The following CHD6 variants were observed in gnomAD, a reference collection of about 807,000 sequenced individuals.
CHD6 encodes chromodomain helicase DNA binding protein 6, also known as ATP-dependent chromatin remodeler CHD6.
Under a neutral mutation model 276.9 loss-of-function variants are expected in CHD6, and 50 were observed. The ratio of observed to expected loss-of-function variants is 0.18; its 90% CI spans 0.14 to 0.23. CHD6 has a LOEUF of 0.23. CHD6 is among the 10% of genes least tolerant of loss of function. The pLI is 1.00. For missense variants in CHD6, 2,564 were observed against 3,365.8 expected (o/e 0.76, Z 5.89); for synonymous variants, 1,173 against 1,229.3 (o/e 0.95, Z 0.96).
rs780293326 is a variant in CHD6, at chr20:41,415,222, G to C, written c.6903C>G (p.Ile2301Met). 3 of 1,614,048 alleles carry C rather than the reference G, an allele frequency of 1.9e-6. No homozygotes were observed. Among genetic ancestry groups the C allele is most frequent in the Non-Finnish European group, 1.7e-6 (2 of 1,179,992 alleles). The change falls in exon 34 of 37, where the codon ATC becomes ATG. Residue 2301 changes from isoleucine to methionine, a missense_variant. Coordinates refer to ENST00000373233, the MANE Select transcript of CHD6 (RefSeq NM_032221.5). ...RKHVEGGMDL[I>M]FLKEQTLQAG... ...CCTGAAGTGTCTGCTCCTTCAAAAA[G>C]ATGAGGTCCATCCCTCCTTCAACAT...
In CHD6 at chr20:41,489,867, A is replaced by G; in HGVS notation, c.1591T>C (p.Trp531Arg). The G allele has an allele frequency of 6.2e-7, 1 of 1,613,922 alleles. No individual in the cohort carries two copies. Among genetic ancestry groups the G allele is most frequent in the Non-Finnish European group, 8.5e-7 (1 of 1,179,924 alleles). ...TACACAATGGCATTCATCTCTGTCCATGTCCGGAACTCCCGCTCCCAGTTA... is the reference window on the plus strand; with the variant it reads ...TACACAATGGCATTCATCTCTGTCCGTGTCCGGAACTCCCGCTCCCAGTTA... ...ITNWEREFRT[W>R]TEMNAIVYHG... The change falls in exon 12 of 37, where the codon TGG (tryptophan) becomes CGG (arginine). Residue 531 changes from tryptophan (W) to arginine (R), a missense_variant. Trp to Arg is a moderately radical substitution (Grantham distance 101, BLOSUM62 -3). Transcript: ENST00000373233.
At chr20:41,543,480 C>G (rs953211009) in intron 2 of CHD6, among the ~76,000 whole-genome samples, 5 of 152,214 alleles carry the variant, frequency 3.3e-5, no homozygotes, top group African/African-American at 1.2e-4. Context: ...AACCTTTCCC[C>G]AGATGACTTT....
chr20:41,512,842 A>G lies in CHD6; in HGVS notation c.852+4T>C, dbSNP rs79549169. The stretch of plus-strand genomic sequence containing the variant: ...AGGTCAGTAACCTCATGCAAAGGCC[A>G]TACCTCCGCCTGCCAGGCCAGTGTA... On this transcript the variant is annotated splice_donor_region_variant and intron_variant, in intron 5 of 36. Coordinates refer to ENST00000373233, the MANE Select transcript of CHD6 (RefSeq NM_032221.5). The G allele has an allele frequency of 9.4e-3, 15,222 of 1,613,964 alleles. 106 individuals are homozygous for G. The highest frequency in any genetic ancestry group is 0.011 in the Non-Finnish European group (12,851 of 1,179,874).
Position 41,473,441 on chromosome 20 carries a change from C to T in CHD6, c.2545G>A (p.Asp849Asn). ...QAAIDRFCKP[D>N]SDRFVFLLCT... ...AGAAGAAAGACAAAGCGGTCTGAAT[C>T]TGGCTTACAGAACCGGTCGATGGCT... Residue 849 changes from aspartate to asparagine, a missense_variant, in exon 17 of 37, where the codon GAT becomes AAT. Physicochemically the swap from Asp to Asn is conservative, Grantham distance 23. Coordinates refer to ENST00000373233, the MANE Select transcript of CHD6 (RefSeq NM_032221.5). The surrounding 1 kb of genome is among the most constrained non-coding windows in gnomAD (Gnocchi z 4.1). 1 of 1,614,128 alleles carries T rather than the reference C, an allele frequency of 6.2e-7. No homozygotes were observed. The highest frequency in any genetic ancestry group is 8.5e-7 in the Non-Finnish European group (1 of 1,179,996).
chr20:41,486,835 G>C (rs898446586), intron 14 of CHD6, among the ~76,000 whole-genome samples: 4 of 150,852 alleles, frequency 2.7e-5, no homozygotes, highest in Non-Finnish European at 4.4e-5. Context: ...CCATGACTCT[G>C]ATTATGCTGG....
intron 20 of CHD6, among the ~76,000 whole-genome samples, chr20:41,453,377 A>G (rs2048298474): frequency 6.6e-6 from 1 of 152,032 alleles, no homozygotes; most frequent in South Asian, 2.1e-4. Context: ...TTCTGAAGAC[A>G]AACGCATATT....
At chr20:41,470,043 C>T (rs1277065844) in intron 17 of CHD6, among the ~76,000 whole-genome samples, 1 of 152,218 alleles carries the variant, frequency 6.6e-6, no homozygotes, top group Non-Finnish European at 1.5e-5. Context: ...ATTTATAGCA[C>T]GTGGGTGCAA....
intron 18 of CHD6, among the ~76,000 whole-genome samples, chr20:41,456,889 G>A (rs1172153086): frequency 6.6e-6 from 1 of 152,134 alleles, no homozygotes; most frequent in African/African-American, 2.4e-5. Flanking sequence ...AGGGGCCGAG[G>A]GGACATAGAT....
chr20:41,452,052 T>G lies in CHD6; in HGVS notation c.3324-27A>C. The G allele has an allele frequency of 6.3e-7, 1 of 1,593,762 alleles. No individual in the cohort carries two copies. The highest frequency in any genetic ancestry group is 8.6e-7 in the Non-Finnish European group (1 of 1,162,772). On this transcript the variant is annotated intron_variant, in intron 21 of 36. Transcript: ENST00000373233. This position sits in a 1 kb window ranked among gnomAD's most constrained non-coding sequence, Gnocchi z 4.2. ...TGACAGTGGACATACAGACAGGTGTTGGAGGGAGAATGGACCAGGCCATGC... is the reference window on the plus strand; with the variant it reads ...TGACAGTGGACATACAGACAGGTGTGGGAGGGAGAATGGACCAGGCCATGC...
At chr20:41,565,904 A>T (rs1314818538) in intron 1 of CHD6, among the ~76,000 whole-genome samples, 1 of 152,208 alleles carries the variant, frequency 6.6e-6, no homozygotes, top group Non-Finnish European at 1.5e-5. Context: ...TGGGAGAACA[A>T]GTACAAAGAG....
Position 41,533,215 on chromosome 20 carries a change from G to A in CHD6, c.389C>T (p.Pro130Leu). 6.2e-7 allele frequency: 1 copy of A among 1,613,648 alleles called. No homozygotes were observed. Among genetic ancestry groups the A allele is most frequent in the Non-Finnish European group, 8.5e-7 (1 of 1,179,988 alleles). Residue 130 changes from proline to leucine, a missense_variant, in exon 3 of 37, where the codon CCC becomes CTC. By Grantham distance (98) the Pro-to-Leu change is moderately conservative (BLOSUM62 -3). Transcript: ENST00000373233. Reference sequence around the variant, plus strand: ...CTTCTTCGGCTCCTTGGCCTTTCTGGGTTCCTTTGGCTCTTTCGGTTCTCG... The same window carrying A: ...CTTCTTCGGCTCCTTGGCCTTTCTGAGTTCCTTTGGCTCTTTCGGTTCTCG... ...RKREPKEPKE[P>L]RKAKEPKKAK... is the part of the protein sequence containing the mutation.
Position 41,457,345 on chromosome 20 carries a change from C to G in CHD6, c.2748G>C (p.Glu916Asp). Residue 916 changes from glutamate (E) to aspartate (D), a missense_variant, in exon 18 of 37, where the codon GAG becomes GAC. Physicochemically the swap from Glu to Asp is conservative, Grantham distance 45 (BLOSUM62 2). Transcript: ENST00000373233. ...RLITRNSYEREMFDKASLKLG... is the reference protein window; with the variant it reads ...RLITRNSYERDMFDKASLKLG... The stretch of plus-strand genomic sequence containing the variant: ...GCTTTAGGCTGGCCTTGTCAAACAT[C>G]TCGCGCTCGTAGGAATTTCGAGTGA... The G allele has an allele frequency of 6.2e-7, 1 of 1,614,144 alleles. No homozygotes were observed. Among genetic ancestry groups the G allele is most frequent in the Non-Finnish European group, 8.5e-7 (1 of 1,180,000 alleles).
At position 41,483,340 on chromosome 20, in the gene CHD6, C is replaced by T. The variant is rs746149922; in HGVS notation, c.2437G>A (p.Asp813Asn). ...LIFSQMVRCLDILEDYLIQRR... is the reference protein window; with the variant it reads ...LIFSQMVRCLNILEDYLIQRR... ...TGGATGAGGTAATCTTCTAGGATGTCGAGGCAGCGCACCATCTGGGAGAAG... is the reference window on the plus strand; with the variant it reads ...TGGATGAGGTAATCTTCTAGGATGTTGAGGCAGCGCACCATCTGGGAGAAG... The change falls in exon 16 of 37, where the codon GAC (aspartate) becomes AAC (asparagine). Residue 813 changes from aspartate (D) to asparagine (N), a missense_variant. Physicochemically the swap from Asp to Asn is conservative, Grantham distance 23. Coordinates refer to ENST00000373233, the MANE Select transcript of CHD6 (RefSeq NM_032221.5). 16 of 1,613,462 alleles carry T rather than the reference C, an allele frequency of 9.9e-6. No individual in the cohort carries two copies. The highest frequency in any genetic ancestry group is 2.2e-5 in the East Asian group (1 of 44,836).
chr20:41,537,923 A>C (rs2044867512), intron 2 of CHD6, among the ~76,000 whole-genome samples: 1 of 152,244 alleles, frequency 6.6e-6, no homozygotes, highest in Non-Finnish European at 1.5e-5. Context: ...GTTTAAACAA[A>C]AACTTACACA....
In CHD6 at chr20:41,547,766, G is replaced by C. The variant is rs139860995; in HGVS notation, c.33+3539C>G. ...ATGAGATTGTCAACACTGCTCGACA[G>C]ATGCAGCACCAATCTTTAGCCAGAG... On this transcript the variant is annotated intron_variant, in intron 2 of 36. Coordinates refer to ENST00000373233, the MANE Select transcript of CHD6 (RefSeq NM_032221.5). The C allele has an allele frequency of 6.7e-5, 36 of 534,896 alleles. No homozygotes were observed. The East Asian group carries it at 1.7e-3, about 25-fold the overall frequency. The allele number at this position is 534,896 out of a possible 1,614,324, so 33.1% of individuals were successfully genotyped here.
chr20:41,585,361 C>G (rs571897021), intron 1 of CHD6, among the ~76,000 whole-genome samples: 8 of 151,830 alleles, frequency 5.3e-5, no homozygotes, highest in African/African-American at 1.7e-4. Context: ...ATTAGCCAGG[C>G]GTGGGGAGCA....
At chr20:41,520,124 T>C (rs1201157502) in intron 3 of CHD6, among the ~76,000 whole-genome samples, 7 of 152,230 alleles carry the variant, frequency 4.6e-5, no homozygotes, top group African/African-American at 1.7e-4. Flanking sequence ...CAATGAGATA[T>C]CATCTCACAC....
In CHD6 at chr20:41,503,511, G is replaced by GGA. The variant is rs368251434; in HGVS notation, c.853-4156_853-4155dup. Among the ~76,000 whole-genome samples the GGA allele has an allele frequency of 6.3e-3, 964 of 152,192 alleles. 11 individuals carry two copies. Among genetic ancestry groups the GGA allele is most frequent in the Middle Eastern group, 0.024 (7 of 294 alleles). On this transcript the variant is annotated intron_variant, in intron 5 of 36. Transcript: ENST00000373233. ...AATATTTTTCTTACTCTCAAATTCA[G>GGA]GAGAATGCATTCAATATTGTACTAC...
At chr20:41,461,476 TAG>T (rs2048546385) in intron 17 of CHD6, among the ~76,000 whole-genome samples, 1 of 152,160 alleles carries the variant, frequency 6.6e-6, no homozygotes, top group Non-Finnish European at 1.5e-5. Context: ...ATTCTCACGA[TAG>T]TTAATGAGTC....
Sources: gnomAD v4.1 joint callset for allele counts (sites outside exome capture counted in the v4.1 genomes callset) on GRCh38, gnomAD v4.1.1 for gene constraint, Gnocchi (gnomAD v3.1) non-coding constraint, MANE v1.5 for transcripts, NCBI Gene and HGNC (gene_info 2026-07-23, HGNC 2026-07-21) for gene names.